SPTBN1: variants seen among roughly 807,000 people sequenced by gnomAD.
The protein encoded by SPTBN1 is spectrin beta, non-erythrocytic 1.
In SPTBN1, 32 loss-of-function variants were observed where a neutral mutation model predicts 266.4. The ratio of observed to expected loss-of-function variants is 0.12; its 90% CI spans 0.09 to 0.16. The LOEUF (loss-of-function observed/expected upper bound fraction) is 0.16. SPTBN1 is among the 10% of genes least tolerant of loss of function. The pLI, the probability that SPTBN1 is intolerant of heterozygous loss-of-function variation, is 1.00. For missense variants in SPTBN1, 2,296 were observed against 3,067.1 expected (o/e 0.75, Z 5.94); for synonymous variants, 1,336 against 1,162.2 (o/e 1.15, Z -3.04).
In SPTBN1 at chr2:54,668,722, G is replaced by T. The variant is rs1361979572; in HGVS notation, c.*153G>T. The T allele has an allele frequency of 1.0e-5, 7 of 674,018 alleles. No individual in the cohort carries two copies. The highest frequency in any genetic ancestry group is 1.4e-5 in the Non-Finnish European group (6 of 422,148). 41.8% of individuals were successfully genotyped at this position (674,018 alleles called of 1,614,324 possible). A position where few individuals can be genotyped will look rare whatever the true frequency, so the allele number is the denominator to read the frequency against. ...ATTTATAGAGCATTTCGGGGGGGGT[G>T]GGGGAAACACACCTAAACACTTTAT... is the stretch of plus-strand genomic sequence containing the variant. On this transcript the variant is annotated 3_prime_UTR_variant, in exon 36 of 36. Coordinates refer to ENST00000356805, the MANE Select transcript of SPTBN1 (RefSeq NM_003128.3).
chr2:54,471,333 A>C (rs536944804), intron 1 of SPTBN1, among the ~76,000 whole-genome samples: 7 of 152,138 alleles, frequency 4.6e-5, no homozygotes, highest in African/African-American at 1.4e-4. Flanking sequence ...CTCCTTCCTT[A>C]CTTGGTGAGT....
At chr2:54,532,716 A>G (rs1042170793) in intron 2 of SPTBN1, among the ~76,000 whole-genome samples, 3 of 152,248 alleles carry the variant, frequency 2.0e-5, no homozygotes, top group Non-Finnish European at 4.4e-5. Context: ...GTATCATGGA[A>G]CATGCAGTGA....
chr2:54,615,879 G>C (rs1255850871), intron 4 of SPTBN1, among the ~76,000 whole-genome samples: 1 of 152,182 alleles, frequency 6.6e-6, no homozygotes, highest in African/African-American at 2.4e-5. Flanking sequence ...TTTTCTGGGG[G>C]TCTGGTGAGA....
intron 2 of SPTBN1, chr2:54,529,423 G>T (rs757424504): frequency 1.4e-6 from 1 of 705,266 alleles, no homozygotes; most frequent in Non-Finnish European, 2.6e-6. Flanking sequence ...AGGCCAAGAA[G>T]GTAGTGTTGA....
At chr2:54,521,732 C>G (rs1670454547) in intron 1 of SPTBN1, among the ~76,000 whole-genome samples, 1 of 152,138 alleles carries the variant, frequency 6.6e-6, no homozygotes, top group Admixed American at 6.5e-5. Flanking sequence ...CCATCTTGCC[C>G]AGGTTGGTCT....
At chr2:54,491,305 C>G (rs72915019) in intron 1 of SPTBN1, among the ~76,000 whole-genome samples, 4,792 of 152,194 alleles carry the variant, frequency 0.031, 286 homozygotes, top group African/African-American at 0.11. Context: ...AAACCATACT[C>G]AAGGATTGAA....
intron 5 of SPTBN1, 53 bp from the exon 6 acceptor site, chr2:54,617,555 A>G: frequency 1.3e-6 from 2 of 1,575,236 alleles, no homozygotes; most frequent in Non-Finnish European, 1.7e-6. Context: ...GCAAAAGTAT[A>G]AACCTCCATG....
At chr2:54,591,144 T>G (rs1343516061) in intron 2 of SPTBN1, among the ~76,000 whole-genome samples, 1 of 152,250 alleles carries the variant, frequency 6.6e-6, no homozygotes, top group Non-Finnish European at 1.5e-5. Flanking sequence ...GCTAGATTTC[T>G]AGTTCATTGA....
intron 2 of SPTBN1, among the ~76,000 whole-genome samples, chr2:54,589,232 T>G (rs1240737259): frequency 1.3e-5 from 2 of 152,218 alleles, no homozygotes; most frequent in East Asian, 3.8e-4. Context: ...CTCAGCTCCC[T>G]CCAGAGTCTT....
intron 26 of SPTBN1, among the ~76,000 whole-genome samples, chr2:54,650,607 A>G (rs186842020): frequency 1.3e-5 from 2 of 152,332 alleles, no homozygotes; most frequent in Admixed American, 6.5e-5. Flanking sequence ...GAAGAAGCCA[A>G]TTTTATTAAA....
chr2:54,660,234 G>A (rs905181380), intron 32 of SPTBN1: 3 of 1,394,662 alleles, frequency 2.2e-6, no homozygotes, highest in African/African-American at 2.9e-5. Flanking sequence ...TCATGTTTGA[G>A]TCTCTTAACT....
chr2:54,457,684 C>T (rs1214572117), intron 1 of SPTBN1, among the ~76,000 whole-genome samples: 1 of 152,232 alleles, frequency 6.6e-6, no homozygotes, highest in Admixed American at 6.5e-5. Context: ...CGCTCGGCGC[C>T]TGCGGCCCCC....
chr2:54,600,173 A>C (rs1691351003), intron 3 of SPTBN1, among the ~76,000 whole-genome samples: 1 of 152,118 alleles, frequency 6.6e-6, no homozygotes. Flanking sequence ...CCTGCCCCAC[A>C]CCTCTGACCG....
At position 54,475,988 on chromosome 2, in the gene SPTBN1, A is replaced by C. The variant is rs140965630; in HGVS notation, c.-48+19470A>C. Among the ~76,000 whole-genome samples, 1,194 of 152,264 alleles carry C rather than the reference A, an allele frequency of 7.8e-3. 16 individuals are homozygous for C. The highest frequency in any genetic ancestry group is 0.027 in the African/African-American group (1,131 of 41,544). On this transcript the variant is annotated intron_variant, in intron 1 of 35. Coordinates refer to ENST00000356805, the MANE Select transcript of SPTBN1 (RefSeq NM_003128.3). ...TTCATTCTTGTTGTATGCTTATTCC[A>C]CATTTCTCTATATATTTATTTTGTC...
At chr2:54,577,879 G>A (rs182875428) in intron 2 of SPTBN1, among the ~76,000 whole-genome samples, 294 of 152,302 alleles carry the variant, frequency 1.9e-3, no homozygotes, top group South Asian at 4.3e-3. Flanking sequence ...GAAAGCAGTT[G>A]TTGAGAGGTA....
chr2:54,496,701 A>G lies in SPTBN1; in HGVS notation c.-47-29671A>G, dbSNP rs183593129. Among the ~76,000 whole-genome samples the G allele has an allele frequency of 7.9e-5, 12 of 152,340 alleles. No homozygotes were observed. In the East Asian group the frequency reaches 1.7e-3, roughly 22 times the overall value. On this transcript the variant is annotated intron_variant, in intron 1 of 35. Coordinates refer to ENST00000356805, the MANE Select transcript of SPTBN1 (RefSeq NM_003128.3). ...TCACTAGTAAGCAGACTTGCAAATG[A>G]TAATAACAAGCTATCACTTTGGAGA...
chr2:54,614,510 G>A (rs1047403331), intron 4 of SPTBN1, among the ~76,000 whole-genome samples: 3 of 152,108 alleles, frequency 2.0e-5, no homozygotes, highest in African/African-American at 7.2e-5. Flanking sequence ...CCCTTTAAAA[G>A]AGAGTATAAG....
At chr2:54,644,690 G>A in intron 20 of SPTBN1, 104 bp downstream of exon 20, 1 of 1,450,914 alleles carries the variant, frequency 6.9e-7, no homozygotes, top group Non-Finnish European at 9.2e-7. Flanking sequence ...CACCTTCCAT[G>A]GGAAGGCATT....
intron 2 of SPTBN1, among the ~76,000 whole-genome samples, chr2:54,594,851 T>TTTTTTTTTTTTTTTTTTTTTTTTTTTTG (rs10673399): frequency 1.4e-5 from 2 of 144,870 alleles, no homozygotes; most frequent in African/African-American, 5.6e-5. Flanking sequence ...TTTTTTTTTT[T>TTTTTTTTTTTTTTTTTTTTTTTTTTTTG]GAGACAGAGT....
Sources: allele counts gnomAD v4.1 joint callset (sites outside exome capture counted in the v4.1 genomes callset), GRCh38; gene constraint gnomAD v4.1.1; transcripts MANE v1.5; gene names NCBI Gene and HGNC (gene_info 2026-07-23, HGNC 2026-07-21).